Variants in FAM13C observed in about 807,000 individuals in gnomAD.
FAM13C encodes protein FAM13C.
In FAM13C, 37 loss-of-function variants were observed where a neutral mutation model predicts 73.2. The ratio of observed to expected loss-of-function variants is 0.51; its 90% CI spans 0.39 to 0.67. The LOEUF is 0.67. FAM13C is among the 30% of genes least tolerant of loss of function. The pLI, the probability that FAM13C is intolerant of heterozygous loss-of-function variation, is 0.00. For synonymous variants in FAM13C, 246 were observed against 260.9 expected, an observed-to-expected ratio of 0.94 and a Z score of 0.55; for missense variants, 589 against 715.6, an observed-to-expected ratio of 0.82 and a Z score of 2.02.
chr10:59,318,848 A>G (rs970955678), intron 4 of FAM13C, among the ~76,000 whole-genome samples: 1 of 152,120 alleles, frequency 6.6e-6, no homozygotes, highest in African/African-American at 2.4e-5. Flanking sequence ...TTTAAAAGAA[A>G]CAAAACAAAA....
intron 3 of FAM13C, among the ~76,000 whole-genome samples, chr10:59,347,371 G>A (rs112667203): frequency 2.6e-5 from 4 of 152,202 alleles, no homozygotes; most frequent in African/African-American, 9.6e-5. Flanking sequence ...TTAAAGGAAA[G>A]TTGCTCAAAC....
At position 59,251,609 on chromosome 10, in the gene FAM13C, C is replaced by A; in HGVS notation, c.1600G>T (p.Glu534Ter). ...TGTTTAAAAAACTGTTCTTCAAATTCTCTTAAGGCTTTCCGCAGTCTCTTC... is the reference window on the plus strand; with the variant it reads ...TGTTTAAAAAACTGTTCTTCAAATTATCTTAAGGCTTTCCGCAGTCTCTTC... ...DKKRLRKALR[E>*]FEEQFFKQTG... Residue 534 changes from glutamate (E) to a stop codon, truncating the protein, a stop_gained, in exon 13 of 14, where the codon GAA becomes TAA. Transcript: ENST00000618804. LOFTEE classifies it high-confidence loss of function. The A allele has an allele frequency of 1.9e-6, 3 of 1,613,854 alleles. No homozygotes were observed. The highest frequency in any genetic ancestry group is 2.5e-6 in the Non-Finnish European group (3 of 1,179,874).
chr10:59,310,392 A>G (rs921811617), intron 4 of FAM13C, among the ~76,000 whole-genome samples: 1 of 152,246 alleles, frequency 6.6e-6, no homozygotes, highest in African/African-American at 2.4e-5. Context: ...GACACAGACA[A>G]GATGCCAATA....
intron 5 of FAM13C, among the ~76,000 whole-genome samples, chr10:59,296,745 C>T (rs1238697367): frequency 6.6e-6 from 1 of 152,168 alleles, no homozygotes; most frequent in African/African-American, 2.4e-5. Flanking sequence ...GAATATAACA[C>T]AAGTCTGAAT....
chr10:59,258,742 A>G (rs537151995), intron 10 of FAM13C, among the ~76,000 whole-genome samples: 1 of 152,230 alleles, frequency 6.6e-6, no homozygotes, highest in Non-Finnish European at 1.5e-5. Context: ...ATAGGAAAGC[A>G]GAAAGTTTGA....
At chr10:59,268,195 T>C (rs1843284516) in intron 8 of FAM13C, among the ~76,000 whole-genome samples, 2 of 146,560 alleles carry the variant, frequency 1.4e-5, no homozygotes, top group South Asian at 4.3e-4. Context: ...AAAATGCAAT[T>C]GAGAAAAAGT....
chr10:59,307,533 G>A (rs1441646513), intron 4 of FAM13C, among the ~76,000 whole-genome samples: 1 of 152,118 alleles, frequency 6.6e-6, no homozygotes, highest in Non-Finnish European at 1.5e-5. Context: ...TAGGAGAAAG[G>A]GTAGTTAAAT....
intron 7 of FAM13C, among the ~76,000 whole-genome samples, chr10:59,269,230 A>G (rs1439557453): frequency 6.6e-6 from 1 of 152,164 alleles, no homozygotes; most frequent in Non-Finnish European, 1.5e-5. Flanking sequence ...GGTTAGATAT[A>G]TTCAAGAAAA....
At chr10:59,350,710 G>A (rs1274713954) in intron 3 of FAM13C, among the ~76,000 whole-genome samples, 1 of 152,136 alleles carries the variant, frequency 6.6e-6, no homozygotes, top group African/African-American at 2.4e-5. Flanking sequence ...CAATGCCAAG[G>A]AAGAAGGAAG....
chr10:59,350,839 A>T (rs1469759736), intron 3 of FAM13C, among the ~76,000 whole-genome samples: 1 of 152,202 alleles, frequency 6.6e-6, no homozygotes, highest in African/African-American at 2.4e-5. Context: ...CTTAAAAGTT[A>T]TTACAAAATT....
chr10:59,316,863 C>A (rs1047413121), intron 4 of FAM13C, among the ~76,000 whole-genome samples: 1 of 151,906 alleles, frequency 6.6e-6, no homozygotes, highest in Non-Finnish European at 1.5e-5. Context: ...GAATATTAAG[C>A]AGGACAAACA....
At position 59,307,266 on chromosome 10, in the gene FAM13C, C is replaced by G. The variant is rs866675370; in HGVS notation, c.444-4402G>C. Among the ~76,000 whole-genome samples, 5 of 152,054 alleles carry G rather than the reference C, an allele frequency of 3.3e-5. 1 individual carries two copies. In the South Asian group the frequency reaches 1.0e-3, roughly 32 times the overall value. ...AGATAATTATGATGGTGTACAGTGG[C>G]CACAGATAAGGTCATGTGGGCAGAT... On this transcript the variant is annotated intron_variant, in intron 4 of 13. Transcript: ENST00000618804.
intron 5 of FAM13C, among the ~76,000 whole-genome samples, chr10:59,295,922 G>A (rs935384412): frequency 6.6e-6 from 1 of 152,112 alleles, no homozygotes; most frequent in African/African-American, 2.4e-5. Context: ...ATAACATCCT[G>A]TTCTTATTAA....
rs142071219 is a variant in FAM13C, at chr10:59,286,890, C to T, written c.508-3443G>A. ...TCTACGAAAAAATACCAAAATTAAC[C>T]GGGTGTGGTGGCACGCACCTGTAAT... On this transcript the variant is annotated intron_variant, in intron 5 of 13. Transcript: ENST00000618804. Among the ~76,000 whole-genome samples the T allele has an allele frequency of 3.5e-3, 524 of 150,930 alleles. 5 individuals carry two copies. The highest frequency in any genetic ancestry group is 0.012 in the African/African-American group (481 of 41,074).
intron 10 of FAM13C, among the ~76,000 whole-genome samples, 154 bp downstream of exon 10, chr10:59,262,280 G>T (rs11006419): frequency 6.6e-6 from 1 of 152,082 alleles, no homozygotes. Context: ...ACTACTGCTC[G>T]TGGCCAGTAA....
At chr10:59,330,133 G>A (rs530014638) in intron 3 of FAM13C, among the ~76,000 whole-genome samples, 4 of 152,272 alleles carry the variant, frequency 2.6e-5, no homozygotes, top group South Asian at 2.1e-4. Context: ...GTTCTTGATC[G>A]ATTTGGGAGG....
chr10:59,273,298 T>C (rs1340625107), intron 6 of FAM13C, among the ~76,000 whole-genome samples: 1 of 152,170 alleles, frequency 6.6e-6, no homozygotes, highest in Non-Finnish European at 1.5e-5. Context: ...GCATAGAAAC[T>C]ACTGAACACA....
intron 5 of FAM13C, chr10:59,296,821 A>C (rs1386164922): frequency 6.6e-6 from 1 of 152,230 alleles, no homozygotes; most frequent in Non-Finnish European, 1.5e-5. Context: ...TGATGAGGAC[A>C]CACACAAATC....
intron 5 of FAM13C, among the ~76,000 whole-genome samples, chr10:59,293,069 CTTTTTTTTTTT>C (rs148715812): frequency 1.9e-4 from 21 of 109,508 alleles, no homozygotes; most frequent in Non-Finnish European, 2.3e-4. Flanking sequence ...TTTTCTTTTT[CTTTTTTTTTTT>C]TTTTTTTTTT....
Sources: gnomAD v4.1 joint callset for allele counts (sites outside exome capture counted in the v4.1 genomes callset) on GRCh38, gnomAD v4.1.1 for gene constraint, MANE v1.5 for transcripts, NCBI Gene and HGNC (gene_info 2026-07-23, HGNC 2026-07-21) for gene names.